Variants in NCAPD3 observed in about 807,000 individuals in gnomAD.
The protein encoded by NCAPD3 is condensin-2 complex subunit D3.
Under a neutral mutation model 182.9 loss-of-function variants are expected in NCAPD3, and 105 were observed. The ratio of observed to expected loss-of-function variants is 0.57; its 90% CI spans 0.49 to 0.68. The LOEUF is 0.68. Ranked by LOEUF, NCAPD3 falls within the 30% of genes least tolerant of loss-of-function variation. The pLI is 0.00. For missense variants in NCAPD3, 1,944 were observed against 1,837.0 expected, an observed-to-expected ratio of 1.06 and a Z score of -1.07; for synonymous variants, 815 against 679.9, an observed-to-expected ratio of 1.20 and a Z score of -3.09.
chr11:134,197,273 CTTTTTTTT>C (rs35691982), intron 13 of NCAPD3, among the ~76,000 whole-genome samples: 4 of 111,964 alleles, frequency 3.6e-5, no homozygotes, highest in Middle Eastern at 4.8e-3. Flanking sequence ...AGTCTCACAT[CTTTTTTTT>C]TTTTTTTTTT....
chr11:134,184,900 C>T lies in NCAPD3; in HGVS notation c.2335+3G>A, dbSNP rs1408155454. On this transcript the variant is annotated splice_donor_region_variant and intron_variant, in intron 18 of 34. Coordinates refer to ENST00000534548, the MANE Select transcript of NCAPD3 (RefSeq NM_015261.3). ...CACATAAGATTCTCCAGCAGACACT[C>T]ACCAGTCACTTTGTCCCGGGTGCTC... 2.5e-6 allele frequency: 4 copies of T among 1,604,930 alleles called. No homozygotes were observed. The highest frequency in any genetic ancestry group is 2.2e-5 in the East Asian group (1 of 44,826).
Position 134,161,833 on chromosome 11 carries a change from A to G in NCAPD3, c.3632T>C (p.Val1211Ala), listed in dbSNP as rs372837551. 4.4e-6 allele frequency: 7 copies of G among 1,595,762 alleles called. No individual in the cohort carries two copies. Among genetic ancestry groups the G allele is most frequent in the Non-Finnish European group, 8.6e-7 (1 of 1,166,480 alleles). The change falls in exon 28 of 35, where the codon GTG (valine) becomes GCG (alanine). Residue 1211 changes from valine to alanine, a missense_variant. Transcript: ENST00000534548. ...AGCTGGGATCTTATTTTTCTCCAGC[A>G]CAGTCTTCAGGGAGATGATAATTGG... Reference protein sequence around the residue: ...IIPIIISLKTVLEKNKIPALR... With the variant: ...IIPIIISLKTALEKNKIPALR...
At chr11:134,224,144 C>T (rs1355442555), upstream of NCAPD3, 58 of 608,474 alleles carry the variant, frequency 9.5e-5, no homozygotes, top group Non-Finnish European at 1.2e-4. Flanking sequence ...AAACAAGGCT[C>T]CTGCGGGTGT....
chr11:134,184,492 C>A (rs1009877609), intron 19 of NCAPD3, 145 bp downstream of exon 19: 1 of 591,146 alleles, frequency 1.7e-6, no homozygotes, highest in Non-Finnish European at 3.0e-6. Context: ...GTTATGTAAA[C>A]CTTGCCTTGT....
intron 27 of NCAPD3, among the ~76,000 whole-genome samples, chr11:134,165,528 T>A (rs1432458116): frequency 7.0e-6 from 1 of 142,972 alleles, no homozygotes; most frequent in Non-Finnish European, 1.5e-5. Context: ...CACTCACTTG[T>A]GAGATGAGCT....
chr11:134,185,465 T>C lies in NCAPD3; in HGVS notation c.2107A>G (p.Ile703Val), dbSNP rs1416160298. ...CCAGTGTGAGATATTACATTGTTTA[T>C]AAAAGTGGGTGAGAATTTTTCTTTC... ...SKKEKFSPTFINNVISHTGTE... is the reference protein window; with the variant it reads ...SKKEKFSPTFVNNVISHTGTE... The change falls in exon 17 of 35, where the codon ATA becomes GTA. Residue 703 changes from isoleucine to valine, a missense_variant. Around this residue, in one of 3 missense-constraint regions of NCAPD3, gnomAD observed 1,803 missense variants for 1,674.6 expected, o/e 1.08. Coordinates refer to ENST00000534548, the MANE Select transcript of NCAPD3 (RefSeq NM_015261.3). 1.9e-6 allele frequency: 3 copies of C among 1,613,212 alleles called. No homozygotes were observed. The highest frequency in any genetic ancestry group is 1.7e-5 in the Admixed American group (1 of 59,914).
intron 27 of NCAPD3, among the ~76,000 whole-genome samples, chr11:134,167,075 C>G (rs1176605981): frequency 3.8e-5 from 3 of 78,292 alleles, no homozygotes; most frequent in African/African-American, 1.4e-4. Flanking sequence ...CTTGGGGGAG[C>G]TGCACACTCA....
chr11:134,220,426 C>G, intron 2 of NCAPD3, 146 bp downstream of exon 2: 1 of 733,338 alleles, frequency 1.4e-6, no homozygotes, highest in South Asian at 2.7e-5. Flanking sequence ...TAGGATATTC[C>G]AATAAATTAA....
intron 28 of NCAPD3, 108 bp from the exon 29 acceptor site, chr11:134,160,182 C>T (rs1322912072): frequency 9.0e-6 from 10 of 1,108,436 alleles, no homozygotes; most frequent in Admixed American, 4.8e-5. Flanking sequence ...ACATCCTGCA[C>T]GTGTACCCCT....
intron 19 of NCAPD3, among the ~76,000 whole-genome samples, chr11:134,184,168 G>A (rs932932459): frequency 2.0e-5 from 3 of 152,184 alleles, no homozygotes; most frequent in African/African-American, 2.4e-5. Flanking sequence ...GTGGGGACAC[G>A]ATACCAACAA....
intron 24 of NCAPD3, among the ~76,000 whole-genome samples, chr11:134,172,342 G>A (rs949883849): frequency 1.3e-5 from 2 of 152,158 alleles, no homozygotes; most frequent in Admixed American, 1.3e-4. Context: ...CAGCCACGTC[G>A]TGGACCCTGT....
intron 1 of NCAPD3, among the ~76,000 whole-genome samples, chr11:134,221,043 AGAG>A (rs1262492959): frequency 6.6e-6 from 1 of 152,242 alleles, no homozygotes; most frequent in African/African-American, 2.4e-5. Context: ...TGTTCAATCT[AGAG>A]AAGAAACAGA....
At position 134,192,753 on chromosome 11, in the gene NCAPD3, C is replaced by A. The variant is rs151013524; in HGVS notation, c.1981G>T (p.Asp661Tyr). ...GCCCAGGCGAGGACCTGGCTGTCGTCCCCAGAGTGAAAATGACTGTGATGC... is the reference window on the plus strand; with the variant it reads ...GCCCAGGCGAGGACCTGGCTGTCGTACCCAGAGTGAAAATGACTGTGATGC... Reference protein sequence around the residue: ...IRHHSHFHSGDDSQVLAWALL... With the variant: ...IRHHSHFHSGYDSQVLAWALL... Residue 661 changes from aspartate to tyrosine, a missense_variant, in exon 16 of 35, where the codon GAC (aspartate) becomes TAC (tyrosine). Transcript: ENST00000534548. 3,367 of 1,614,230 alleles carry A rather than the reference C, an allele frequency of 2.1e-3. 6 individuals carry two copies. The highest frequency in any genetic ancestry group is 3.8e-3 in the Admixed American group (229 of 60,028).
At chr11:134,201,588 A>G (rs771254464) in intron 13 of NCAPD3, among the ~76,000 whole-genome samples, 1 of 152,240 alleles carries the variant, frequency 6.6e-6, no homozygotes, top group Non-Finnish European at 1.5e-5. Context: ...AAAATTTTTA[A>G]TGTACAATTA....
intron 14 of NCAPD3, 103 bp downstream of exon 14, chr11:134,194,562 A>G: frequency 1.3e-6 from 1 of 743,734 alleles, no homozygotes; most frequent in Non-Finnish European, 2.1e-6. Context: ...TTAGGCGAAA[A>G]GCAAATTAAG....
intron 13 of NCAPD3, among the ~76,000 whole-genome samples, chr11:134,196,815 T>G (rs1045530083): frequency 2.0e-5 from 3 of 152,100 alleles, no homozygotes; most frequent in African/African-American, 7.2e-5. Flanking sequence ...CATGAACTCT[T>G]TCAAAAAATA....
intron 27 of NCAPD3, among the ~76,000 whole-genome samples, chr11:134,167,042 T>C (rs78213174): frequency 9.0e-5 from 6 of 66,930 alleles, no homozygotes; most frequent in African/African-American, 1.6e-4. Context: ...TTGGGGGAGC[T>C]GCACACTCAC....
chr11:134,187,523 G>T (rs1488808947), intron 16 of NCAPD3, among the ~76,000 whole-genome samples: 1 of 152,194 alleles, frequency 6.6e-6, no homozygotes, highest in Non-Finnish European at 1.5e-5. Context: ...ATTTTCCTGA[G>T]ATTTCATAGA....
In NCAPD3 at chr11:134,157,052, C is replaced by T; in HGVS notation, c.4218G>A (p.Glu1406=). ...TGCTGATGGCCCGCTTGGTCACGTGCTCAATCTCGCCATTCGACTCTTGCT... is the reference window on the plus strand; with the variant it reads ...TGCTGATGGCCCGCTTGGTCACGTGTTCAATCTCGCCATTCGACTCTTGCT... The part of the protein sequence containing the change: ...SLEQESNGEI[E]HVTKRAISTP... The change falls in exon 32 of 35, where the codon GAG becomes GAA. Residue 1406 remains glutamate, a synonymous_variant. Coordinates refer to ENST00000534548, the MANE Select transcript of NCAPD3 (RefSeq NM_015261.3). 2 of 1,613,760 alleles carry T rather than the reference C, an allele frequency of 1.2e-6. No individual in the cohort carries two copies. The highest frequency in any genetic ancestry group is 1.7e-6 in the Non-Finnish European group (2 of 1,179,834).
Sources: gnomAD v4.1 joint callset for allele counts (sites outside exome capture counted in the v4.1 genomes callset) on GRCh38, gnomAD v4.1.1 for gene constraint, gnomAD v4.1.1 regional missense constraint, MANE v1.5 for transcripts, NCBI Gene and HGNC (gene_info 2026-07-23, HGNC 2026-07-21) for gene names.